HNRNPF: variants seen among roughly 807,000 people sequenced by gnomAD.
HNRNPF encodes HnRNP F protein.
HNRNPF carries 2 observed loss-of-function variants against 26.0 expected under a neutral mutation model. That is an observed-to-expected ratio of 0.08 (90% CI 0.03 to 0.24). HNRNPF has a LOEUF of 0.24. HNRNPF is among the 10% of genes least tolerant of loss of function. HNRNPF has a pLI of 1.00. For synonymous variants in HNRNPF, 234 were observed against 211.5 expected, an observed-to-expected ratio of 1.11 and a Z score of -0.92; for missense variants, 299 against 539.2, an observed-to-expected ratio of 0.55 and a Z score of 4.41.
chr10:43,393,664 G>A (rs1421189207), intron 3 of HNRNPF, among the ~76,000 whole-genome samples: 1 of 151,860 alleles, frequency 6.6e-6, no homozygotes, highest in Non-Finnish European at 1.5e-5. Flanking sequence ...CGGCTCACGT[G>A]TACTTTTAAA....
At chr10:43,388,907 G>GT (rs1564393687) in intron 3 of HNRNPF, among the ~76,000 whole-genome samples, 1 of 151,372 alleles carries the variant, frequency 6.6e-6, no homozygotes, top group African/African-American at 2.4e-5. Flanking sequence ...GGCCAAAGAC[G>GT]TATTTTTATA....
At chr10:43,388,651 C>A (rs1239019072) in intron 3 of HNRNPF, among the ~76,000 whole-genome samples, 2 of 152,236 alleles carry the variant, frequency 1.3e-5, no homozygotes, top group Non-Finnish European at 2.9e-5. Flanking sequence ...CACAGGTTCA[C>A]ATAAAATATA....
At chr10:43,402,314 C>T (rs971817165) in intron 1 of HNRNPF, among the ~76,000 whole-genome samples, 1 of 152,196 alleles carries the variant, frequency 6.6e-6, no homozygotes, top group Non-Finnish European at 1.5e-5. Flanking sequence ...CAACACACGC[C>T]TGTGCTGTGT....
Position 43,387,295 on chromosome 10 carries a change from G to A in HNRNPF, c.590C>T (p.Pro197Leu). 6.2e-7 allele frequency: 1 copy of A among 1,614,216 alleles called. No individual in the cohort carries two copies. The highest frequency in any genetic ancestry group is 8.5e-7 in the Non-Finnish European group (1 of 1,180,038). Residue 197 changes from proline to leucine, a missense_variant, in exon 4 of 4, where the codon CCC (proline) becomes CTC (leucine). Physicochemically the swap from Pro to Leu is moderately conservative, Grantham distance 98. This residue lies in a region of HNRNPF where 17 missense variants were observed against 16.1 expected (regional missense o/e 1.05). Transcript: ENST00000682386. The surrounding 1 kb of genome is among the most constrained non-coding windows in gnomAD (Gnocchi z 6.0). ...SQEEVRSYSD[P>L]PLKFMSVQRP... is the part of the protein sequence containing the mutation. Reference sequence around the variant, plus strand: ...CTGCACGGACATGAACTTCAGAGGGGGATCTGAGTATGACCTAACTTCCTC... The same window carrying A: ...CTGCACGGACATGAACTTCAGAGGGAGATCTGAGTATGACCTAACTTCCTC...
rs1838095190 is a variant in HNRNPF at position 43,387,947 on chromosome 10, A to T, written c.-52-11T>A. 1 of 1,415,980 alleles carries T rather than the reference A, an allele frequency of 7.1e-7. No homozygotes were observed. The highest frequency in any genetic ancestry group is 1.5e-5 in the African/African-American group (1 of 68,684). 87.7% of individuals were successfully genotyped at this position (1,415,980 alleles called of 1,614,324 possible). A position where few individuals can be genotyped will look rare whatever the true frequency, so the allele number is the denominator to read the frequency against. On this transcript the variant is annotated splice_polypyrimidine_tract_variant and intron_variant, in intron 3 of 3. Transcript: ENST00000682386. This position sits in a 1 kb window ranked among gnomAD's most constrained non-coding sequence, Gnocchi z 6.0. Reference sequence around the variant, plus strand: ...GTGGCTTTTTTGTGGCTGGAAAAAAAAAAAAGAAAAATTTATTTAGTATGC... The same window carrying T: ...GTGGCTTTTTTGTGGCTGGAAAAAATAAAAAGAAAAATTTATTTAGTATGC...
chr10:43,393,288 A>G (rs1458157962), intron 3 of HNRNPF, among the ~76,000 whole-genome samples: 2 of 152,136 alleles, frequency 1.3e-5, no homozygotes. Context: ...GATTACCGAT[A>G]TATCTTTTAA....
chr10:43,393,228 ATT>A (rs1210916720), intron 3 of HNRNPF, among the ~76,000 whole-genome samples: 1 of 152,056 alleles, frequency 6.6e-6, no homozygotes, highest in Non-Finnish European at 1.5e-5. Flanking sequence ...TGTACCTCAT[ATT>A]GTTATTTCTC....
rs756168133 is a variant in HNRNPF, at chr10:43,386,720, A to AC, written c.1164_1165insG (p.Tyr389ValfsTer27). ...ACTGACTGGCTCTCCAGGCCACTGT[A>AC]AGTGGCCTGGGCAGCAGACACCCCC... On this transcript the variant is annotated frameshift_variant, in exon 4 of 4. Coordinates refer to ENST00000682386, the MANE Select transcript of HNRNPF (RefSeq NM_001098204.2). LOFTEE classifies it high-confidence loss of function. 23 of 1,613,508 alleles carry AC rather than the reference A, an allele frequency of 1.4e-5. No individual in the cohort carries two copies. The highest frequency in any genetic ancestry group is 2.7e-5 in the African/African-American group (2 of 74,874).
chr10:43,399,053 T>C (rs1289363569), intron 1 of HNRNPF, among the ~76,000 whole-genome samples: 3 of 152,182 alleles, frequency 2.0e-5, no homozygotes, highest in African/African-American at 7.2e-5. Context: ...TTGAAATATT[T>C]GTGATGGCTT....
intron 3 of HNRNPF, among the ~76,000 whole-genome samples, chr10:43,388,741 C>T (rs190492291): frequency 6.6e-6 from 1 of 152,278 alleles, no homozygotes; most frequent in Non-Finnish European, 1.5e-5. Context: ...TGAGAAATGC[C>T]CTTCCCACCA....
Position 43,396,494 on chromosome 10 carries a change from C to G in HNRNPF, c.-150G>C, listed in dbSNP as rs960990578. 6.6e-6 allele frequency: 1 copy of G among 152,340 alleles called. No homozygotes were observed. The highest frequency in any genetic ancestry group is 6.5e-5 in the Admixed American group (1 of 15,286). 9.4% of individuals were successfully genotyped at this position (152,340 alleles called of 1,614,324 possible). A position where few individuals can be genotyped will look rare whatever the true frequency, so the allele number is the denominator to read the frequency against. ...AGGACTGGTTTCTGTTGCTACCAGG[C>G]AAGCGCGGCTGGCAGCCAAGAGCCC... On this transcript the variant is annotated 5_prime_UTR_variant, in exon 2 of 4. Coordinates refer to ENST00000682386, the MANE Select transcript of HNRNPF (RefSeq NM_001098204.2).
chr10:43,403,619 T>G (rs1258189217), intron 1 of HNRNPF, among the ~76,000 whole-genome samples: 1 of 152,230 alleles, frequency 6.6e-6, no homozygotes, highest in Non-Finnish European at 1.5e-5. Context: ...ATCACTGCAA[T>G]TTCTCATACT....
chr10:43,393,890 T>G (rs1339983052), intron 3 of HNRNPF, among the ~76,000 whole-genome samples: 1 of 152,144 alleles, frequency 6.6e-6, no homozygotes, highest in Non-Finnish European at 1.5e-5. Flanking sequence ...GTTAATTCTC[T>G]CCCCAAATAT....
intron 1 of HNRNPF, among the ~76,000 whole-genome samples, chr10:43,406,317 A>T (rs1488246404): frequency 6.6e-6 from 1 of 151,970 alleles, no homozygotes; most frequent in African/African-American, 2.4e-5. Flanking sequence ...CTTTCTATTT[A>T]CTCAGTCTTT....
intron 1 of HNRNPF, 144 bp from the exon 2 acceptor site, chr10:43,396,734 C>G (rs561238783): frequency 6.6e-6 from 1 of 152,208 alleles, no homozygotes; most frequent in African/African-American, 2.4e-5. Flanking sequence ...TCACGGCACT[C>G]CAGCAGCCTC....
chr10:43,400,762 C>T (rs192089203), intron 1 of HNRNPF, among the ~76,000 whole-genome samples: 122 of 152,300 alleles, frequency 8.0e-4, no homozygotes, highest in African/African-American at 2.7e-3. Flanking sequence ...ATTCACACAA[C>T]GTGCCAAATT....
rs1316352309 is a variant in HNRNPF at position 43,396,605 on chromosome 10, C to T, written c.-246-15G>A. 6.6e-6 allele frequency: 1 copy of T among 152,182 alleles called. No homozygotes were observed. Among genetic ancestry groups the T allele is most frequent in the Non-Finnish European group, 1.5e-5 (1 of 68,040 alleles). 9.4% of individuals were successfully genotyped at this position (152,182 alleles called of 1,614,324 possible). On this transcript the variant is annotated splice_polypyrimidine_tract_variant and intron_variant, in intron 1 of 3. Coordinates refer to ENST00000682386, the MANE Select transcript of HNRNPF (RefSeq NM_001098204.2). Reference sequence around the variant, plus strand: ...TTGTTCTCAACCTGCAACAGAAATCCAAGTGGTGGTGGGGTCCCTTCCGCA... The same window carrying T: ...TTGTTCTCAACCTGCAACAGAAATCTAAGTGGTGGTGGGGTCCCTTCCGCA...
At position 43,387,940 on chromosome 10, in the gene HNRNPF, GAA is replaced by G. The variant is rs201660330; in HGVS notation, c.-52-6_-52-5del. 2,331 of 1,118,506 alleles carry G rather than the reference GAA, an allele frequency of 2.1e-3. 1 individual carries two copies. Among genetic ancestry groups the G allele is most frequent in the South Asian group, 4.9e-3 (268 of 54,248 alleles). 69.3% of individuals were successfully genotyped at this position (1,118,506 alleles called of 1,614,324 possible). A position where few individuals can be genotyped will look rare whatever the true frequency, so the allele number is the denominator to read the frequency against. On this transcript the variant is annotated splice_polypyrimidine_tract_variant and splice_region_variant and intron_variant, in intron 3 of 3. Transcript: ENST00000682386. The surrounding 1 kb of genome is among the most constrained non-coding windows in gnomAD (Gnocchi z 6.0). ...CTTGGGTGTGGCTTTTTTGTGGCTG[GAA>G]AAAAAAAAAAGAAAAATTTATTTAG...
At chr10:43,404,502 G>T (rs888779566) in intron 1 of HNRNPF, among the ~76,000 whole-genome samples, 2 of 152,096 alleles carry the variant, frequency 1.3e-5, no homozygotes, top group African/African-American at 4.8e-5. Flanking sequence ...ACCAATATGT[G>T]CCTCCGGTTG....
Sources: gnomAD v4.1 joint callset for allele counts (sites outside exome capture counted in the v4.1 genomes callset) on GRCh38, gnomAD v4.1.1 for gene constraint, gnomAD v4.1.1 regional missense constraint, Gnocchi (gnomAD v3.1) non-coding constraint, MANE v1.5 for transcripts, NCBI Gene and HGNC (gene_info 2026-07-23, HGNC 2026-07-21) for gene names.